TSPAN12: variants seen among roughly 807,000 people sequenced by gnomAD.
TSPAN12 encodes tetraspanin-12.
Under a neutral mutation model 39.2 loss-of-function variants are expected in TSPAN12, and 19 were observed. The observed-to-expected ratio is 0.49, with a 90% CI of 0.34 to 0.71. The LOEUF is 0.71. TSPAN12 is among the 30% of genes least tolerant of loss of function. The pLI is 0.01. For missense variants in TSPAN12, 314 were observed against 359.9 expected (o/e 0.87, Z 1.03); for synonymous variants, 119 against 124.8 (o/e 0.95, Z 0.31).
At chr7:120,844,851 G>T (rs1401051143) in intron 2 of TSPAN12, among the ~76,000 whole-genome samples, 1 of 152,206 alleles carries the variant, frequency 6.6e-6, no homozygotes. Flanking sequence ...GCTCCACTAG[G>T]CAGTGCCTTA....
At chr7:120,806,358 A>C (rs983011419) in intron 7 of TSPAN12, among the ~76,000 whole-genome samples, 191 bp downstream of exon 7, 20 of 152,076 alleles carry the variant, frequency 1.3e-4, no homozygotes, top group African/African-American at 4.6e-4. Flanking sequence ...TCCCTTTATT[A>C]AAATGTGATT....
At chr7:120,853,398 G>T (rs1184782653) in intron 2 of TSPAN12, among the ~76,000 whole-genome samples, 6 of 149,158 alleles carry the variant, frequency 4.0e-5, no homozygotes, top group Admixed American at 1.3e-4. Context: ...AGCCTCAACA[G>T]ATATTTTTAA....
chr7:120,823,897 T>C (rs1404767966), intron 4 of TSPAN12, among the ~76,000 whole-genome samples: 2 of 152,142 alleles, frequency 1.3e-5, no homozygotes, highest in Non-Finnish European at 2.9e-5. Context: ...AATAGCCCTC[T>C]GGAGGCCTTG....
At chr7:120,823,261 A>G (rs1440794058) in intron 4 of TSPAN12, among the ~76,000 whole-genome samples, 1 of 152,034 alleles carries the variant, frequency 6.6e-6, no homozygotes, top group Non-Finnish European at 1.5e-5. Flanking sequence ...CAATAGCTTC[A>G]GGAGGCCTAG....
intron 4 of TSPAN12, among the ~76,000 whole-genome samples, chr7:120,826,013 C>A (rs1159665227): frequency 6.6e-6 from 1 of 152,126 alleles, no homozygotes; most frequent in African/African-American, 2.4e-5. Context: ...CCGTCCCAAG[C>A]CCACCAGTAT....
intron 7 of TSPAN12, among the ~76,000 whole-genome samples, chr7:120,804,937 G>A (rs1411846188): frequency 6.6e-6 from 1 of 152,066 alleles, no homozygotes; most frequent in African/African-American, 2.4e-5. Context: ...AGCTAGGGGA[G>A]AAGCATGAAA....
rs149629796 is a variant in TSPAN12 at position 120,846,143 on chromosome 7, G to C, written c.67-6034C>G. Reference sequence around the variant, plus strand: ...GGTGCTACACACTTTTAAATAACCAGATCTCTTGAGAACTCACTCTCTACC... The same window carrying C: ...GGTGCTACACACTTTTAAATAACCACATCTCTTGAGAACTCACTCTCTACC... On this transcript the variant is annotated intron_variant, in intron 2 of 7. Transcript: ENST00000222747. Among the ~76,000 whole-genome samples, 537 of 152,206 alleles carry C rather than the reference G, an allele frequency of 3.5e-3. 3 individuals are homozygous for C. Among genetic ancestry groups the C allele is most frequent in the African/African-American group, 0.011 (455 of 41,536 alleles).
intron 5 of TSPAN12, chr7:120,814,384 T>C (rs1366422672): frequency 4.4e-5 from 18 of 411,532 alleles, no homozygotes; most frequent in South Asian, 2.9e-4. Context: ...CCCTCCATTC[T>C]GATTGAGCAC....
chr7:120,800,635 C>T (rs1160628090), intron 7 of TSPAN12, among the ~76,000 whole-genome samples: 1 of 151,960 alleles, frequency 6.6e-6, no homozygotes. Flanking sequence ...CCCACTTGCC[C>T]GTGTTGTATT....
intron 7 of TSPAN12, among the ~76,000 whole-genome samples, chr7:120,804,095 T>C (rs1340510175): frequency 6.6e-6 from 1 of 152,136 alleles, no homozygotes; most frequent in Non-Finnish European, 1.5e-5. Flanking sequence ...TACCATAATG[T>C]TGTGGCCCAA....
chr7:120,789,156 G>A (rs993255568), intron 7 of TSPAN12, among the ~76,000 whole-genome samples: 3 of 152,134 alleles, frequency 2.0e-5, no homozygotes, highest in African/African-American at 7.2e-5. Flanking sequence ...GAGGCCCACT[G>A]ACATAAAACC....
chr7:120,797,847 C>A (rs1332764961), intron 7 of TSPAN12, among the ~76,000 whole-genome samples: 1 of 152,212 alleles, frequency 6.6e-6, no homozygotes, highest in African/African-American at 2.4e-5. Flanking sequence ...CCTACCATCA[C>A]ATGATTTATC....
Position 120,804,684 on chromosome 7 carries a change from G to A in TSPAN12, c.612+1865C>T, listed in dbSNP as rs146711891. On this transcript the variant is annotated intron_variant, in intron 7 of 7. Coordinates refer to ENST00000222747, the MANE Select transcript of TSPAN12 (RefSeq NM_012338.4). The stretch of plus-strand genomic sequence containing the variant: ...GTTGGATTATGTCCTCCCAAAATTC[G>A]TATGTTAAAGAGCTTAGTACCTCAG... 2.2e-3 allele frequency among the ~76,000 whole-genome samples: 340 copies of A among 152,140 alleles called. 3 individuals carry two copies. The highest frequency in any genetic ancestry group is 7.9e-3 in the African/African-American group (328 of 41,494).
intron 2 of TSPAN12, among the ~76,000 whole-genome samples, chr7:120,852,830 A>G (rs1794794032): frequency 6.6e-6 from 1 of 152,158 alleles, no homozygotes; most frequent in Admixed American, 6.6e-5. Context: ...TGAACTACTG[A>G]GTACCAGTTT....
intron 2 of TSPAN12, among the ~76,000 whole-genome samples, chr7:120,853,254 C>A (rs550535828): frequency 2.6e-5 from 4 of 151,660 alleles, no homozygotes; most frequent in Non-Finnish European, 4.4e-5. Flanking sequence ...CCACGACACC[C>A]GGCTAATTTT....
chr7:120,839,855 G>C (rs991118748), intron 3 of TSPAN12, among the ~76,000 whole-genome samples, 172 bp downstream of exon 3: 1 of 152,164 alleles, frequency 6.6e-6, no homozygotes. Flanking sequence ...GCTAGGACCA[G>C]AGGCGCACCT....
At chr7:120,842,758 C>T (rs1794602391) in intron 2 of TSPAN12, among the ~76,000 whole-genome samples, 1 of 151,948 alleles carries the variant, frequency 6.6e-6, no homozygotes, top group Non-Finnish European at 1.5e-5. Context: ...TGGTTCTTGA[C>T]CTGTAAATAC....
intron 7 of TSPAN12, among the ~76,000 whole-genome samples, chr7:120,800,480 G>A (rs974016982): frequency 2.0e-5 from 3 of 151,952 alleles, no homozygotes; most frequent in East Asian, 1.9e-4. Flanking sequence ...TCCACCCATC[G>A]TCCAGCTGAC....
chr7:120,794,252 T>C (rs1031191353), intron 7 of TSPAN12, among the ~76,000 whole-genome samples: 8 of 152,358 alleles, frequency 5.3e-5, no homozygotes, highest in African/African-American at 1.7e-4. Flanking sequence ...AAATGTTTCT[T>C]TGCTGACTCA....
Sources: gnomAD v4.1 joint callset for allele counts (sites outside exome capture counted in the v4.1 genomes callset) on GRCh38, gnomAD v4.1.1 for gene constraint, MANE v1.5 for transcripts, NCBI Gene and HGNC (gene_info 2026-07-23, HGNC 2026-07-21) for gene names.